ASB3: variants seen among roughly 807,000 people sequenced by gnomAD.
The protein encoded by ASB3 is ankyrin repeat and SOCS box containing 3.
ASB3 carries 41 observed loss-of-function variants against 54.5 expected under a neutral mutation model. The ratio of observed to expected loss-of-function variants is 0.75; its 90% CI spans 0.59 to 0.98. The LOEUF is 0.98. Ranked by LOEUF, ASB3 falls within the 50% of genes least tolerant of loss-of-function variation. ASB3 has a pLI of 0.00. For synonymous variants in ASB3, 266 were observed against 221.2 expected, an observed-to-expected ratio of 1.20 and a Z score of -1.80; for missense variants, 733 against 620.0, an observed-to-expected ratio of 1.18 and a Z score of -1.94.
chr2:53,715,107 T>C (rs1431867674), intron 6 of ASB3, among the ~76,000 whole-genome samples: 1 of 152,044 alleles, frequency 6.6e-6, no homozygotes, highest in African/African-American at 2.4e-5. Flanking sequence ...TGTGCTAAAA[T>C]ATTCTATTAT....
At chr2:53,767,885 A>T in intron 1 of ASB3, 1 of 1,608,538 alleles carries the variant, frequency 6.2e-7, no homozygotes, top group Middle Eastern at 1.7e-4. Flanking sequence ...AGCCGCGAGA[A>T]GATGTGGGTT....
intron 9 of ASB3, among the ~76,000 whole-genome samples, chr2:53,687,699 G>T (rs1668703382): frequency 6.6e-6 from 1 of 152,204 alleles, no homozygotes; most frequent in African/African-American, 2.4e-5. Context: ...TTTAAAAACT[G>T]TAAGTTAGGG....
chr2:53,773,628 A>T, intron 1 of ASB3, among the ~76,000 whole-genome samples: 1 of 151,690 alleles, frequency 6.6e-6, no homozygotes, highest in Non-Finnish European at 1.5e-5. Flanking sequence ...ACGGGGTTTC[A>T]CCATCTTGGC....
intron 9 of ASB3, among the ~76,000 whole-genome samples, chr2:53,676,188 TA>T (rs1668071998): frequency 6.6e-6 from 1 of 152,238 alleles, no homozygotes; most frequent in South Asian, 2.1e-4. Flanking sequence ...CACCTCATTA[TA>T]AAGTACTGCA....
intron 1 of ASB3, among the ~76,000 whole-genome samples, chr2:53,766,231 T>C (rs374922281): frequency 1.3e-4 from 20 of 152,290 alleles, no homozygotes; most frequent in African/African-American, 4.3e-4. Context: ...GAGCCCGGTT[T>C]TCCTACATAG....
At chr2:53,686,028 G>C (rs185707064) in intron 9 of ASB3, among the ~76,000 whole-genome samples, 1 of 152,332 alleles carries the variant, frequency 6.6e-6, no homozygotes, top group Admixed American at 6.5e-5. Context: ...ATGCAGAAGT[G>C]AGGTTCTGGT....
intron 9 of ASB3, among the ~76,000 whole-genome samples, chr2:53,683,077 G>C (rs1023876328): frequency 6.6e-6 from 1 of 152,152 alleles, no homozygotes; most frequent in African/African-American, 2.4e-5. Flanking sequence ...AAAGCTTCAA[G>C]TATTTCCCCC....
intron 7 of ASB3, among the ~76,000 whole-genome samples, chr2:53,709,437 C>T (rs1301190518): frequency 6.6e-6 from 1 of 152,160 alleles, no homozygotes; most frequent in Non-Finnish European, 1.5e-5. Flanking sequence ...TCTTTCTTTG[C>T]ATTGGTCTTG....
chr2:53,708,852 G>T (rs528649941), intron 7 of ASB3, among the ~76,000 whole-genome samples: 2 of 152,338 alleles, frequency 1.3e-5, no homozygotes, highest in South Asian at 2.1e-4. Context: ...CAGCAAAGCA[G>T]CCTGTCTGCT....
At chr2:53,682,159 CAAA>C (rs773098555) in intron 9 of ASB3, among the ~76,000 whole-genome samples, 5 of 77,082 alleles carry the variant, frequency 6.5e-5, no homozygotes, top group African/African-American at 1.0e-4. Flanking sequence ...GACTCCGTCT[CAAA>C]AAAAAAAAAA....
chr2:53,692,335 A>C (rs1668960701), intron 9 of ASB3, among the ~76,000 whole-genome samples: 2 of 152,172 alleles, frequency 1.3e-5, no homozygotes, highest in Admixed American at 6.6e-5. Flanking sequence ...TCAAGATGTG[A>C]GATAGCAAAT....
At chr2:53,693,325 T>A (rs552499907) in intron 9 of ASB3, among the ~76,000 whole-genome samples, 5 of 152,146 alleles carry the variant, frequency 3.3e-5, no homozygotes, top group Non-Finnish European at 7.4e-5. Flanking sequence ...TTAAGTGAGG[T>A]AAGTTGAAAT....
rs1558570515 is a variant in ASB3 at position 53,767,749 on chromosome 2, C to T, written c.-13-2164G>A. The T allele has an allele frequency of 5.2e-6, 5 of 968,726 alleles. No homozygotes were observed. In the East Asian group the frequency reaches 7.9e-5, roughly 15 times the overall value. 60.0% of individuals were successfully genotyped at this position (968,726 alleles called of 1,614,324 possible). A position where few individuals can be genotyped will look rare whatever the true frequency, so the allele number is the denominator to read the frequency against. The stretch of plus-strand genomic sequence containing the variant: ...GGAAAATCTTTCTGGATCTAAACTC[C>T]CAGTGCGCTTTGCGCCCCAAGTGGC... On this transcript the variant is annotated intron_variant, in intron 1 of 9. Transcript: ENST00000263634.
chr2:53,776,462 T>C (rs147722871), intron 1 of ASB3, among the ~76,000 whole-genome samples: 36 of 152,286 alleles, frequency 2.4e-4, no homozygotes, highest in African/African-American at 8.7e-4. Context: ...ATACTGACTG[T>C]ATTGTCTATT....
chr2:53,728,794 G>C lies in ASB3; in HGVS notation c.522C>G (p.Cys174Trp), dbSNP rs773602606. 1.2e-6 allele frequency: 2 copies of C among 1,611,942 alleles called. No homozygotes were observed. The highest frequency in any genetic ancestry group is 8.5e-7 in the Non-Finnish European group (1 of 1,178,834). Residue 174 changes from cysteine (C) to tryptophan (W), a missense_variant, in exon 5 of 10, where the codon TGC becomes TGG. Physicochemically the swap from Cys to Trp is radical, Grantham distance 215 (BLOSUM62 -2). Transcript: ENST00000263634. The stretch of plus-strand genomic sequence containing the variant: ...AAGGTGTGATTCCAAAGTCATCCTG[G>C]CATTCCTTGTTTGCTCCTTTTCTAA... Reference protein sequence around the residue: ...LLLRKGANKECQDDFGITPLF... With the variant: ...LLLRKGANKEWQDDFGITPLF...
At chr2:53,776,060 A>G (rs1035711212) in intron 1 of ASB3, among the ~76,000 whole-genome samples, 4 of 152,184 alleles carry the variant, frequency 2.6e-5, no homozygotes, top group Admixed American at 6.5e-5. Flanking sequence ...ATCTTTCACC[A>G]TAAGAACTTC....
At chr2:53,677,220 G>C (rs1193960507) in intron 9 of ASB3, among the ~76,000 whole-genome samples, 1 of 152,176 alleles carries the variant, frequency 6.6e-6, no homozygotes, top group African/African-American at 2.4e-5. Context: ...CAGGTGTGTA[G>C]TAGGCTCTAC....
chr2:53,690,937 C>T (rs773291331), intron 9 of ASB3, among the ~76,000 whole-genome samples: 7 of 152,104 alleles, frequency 4.6e-5, no homozygotes, highest in Admixed American at 3.3e-4. Context: ...AGGTTCAGGA[C>T]GAACTAAAGC....
intron 1 of ASB3, among the ~76,000 whole-genome samples, chr2:53,785,175 C>A (rs1253650283): frequency 1.3e-5 from 2 of 152,234 alleles, no homozygotes; most frequent in East Asian, 3.8e-4. Flanking sequence ...CTCTGACTTA[C>A]GTACTAAAAG....
Sources: gnomAD v4.1 joint callset for allele counts (sites outside exome capture counted in the v4.1 genomes callset) on GRCh38, gnomAD v4.1.1 for gene constraint, MANE v1.5 for transcripts, NCBI Gene and HGNC (gene_info 2026-07-23, HGNC 2026-07-21) for gene names.